The following ERBB4 variants were observed in gnomAD, a reference collection of about 807,000 sequenced individuals.
ERBB4 encodes the protein erb-b2 receptor tyrosine kinase 4, also known as receptor tyrosine-protein kinase erbB-4.
Under a neutral mutation model 158.0 loss-of-function variants are expected in ERBB4, and 42 were observed. That is an observed-to-expected ratio of 0.27 (90% CI 0.21 to 0.34). ERBB4 has a LOEUF of 0.34. ERBB4 is among the 10% of genes least tolerant of loss of function. The pLI, the probability that ERBB4 is intolerant of heterozygous loss-of-function variation, is 1.00. For missense variants in ERBB4, 1,333 were observed against 1,624.1 expected, an observed-to-expected ratio of 0.82 and a Z score of 3.08; for synonymous variants, 583 against 558.7, an observed-to-expected ratio of 1.04 and a Z score of -0.61.
In ERBB4 at chr2:211,734,344, T is replaced by C. The variant is rs186117627; in HGVS notation, c.623-9150A>G. On this transcript the variant is annotated intron_variant, in intron 5 of 27. Transcript: ENST00000342788. ...TTCTAGTTTTGATGAGGGTGAAGAA[T>C]TGGGCAAACTATTAGTGGGTGTATA... Among the ~76,000 whole-genome samples the C allele has an allele frequency of 3.8e-3, 582 of 152,158 alleles. 2 individuals carry two copies. Among genetic ancestry groups the C allele is most frequent in the African/African-American group, 0.013 (560 of 41,522 alleles).
intron 1 of ERBB4, among the ~76,000 whole-genome samples, chr2:212,200,061 A>C (rs536881082): frequency 2.0e-5 from 3 of 152,202 alleles, no homozygotes; most frequent in African/African-American, 2.4e-5. Flanking sequence ...TCCTTGTTTA[A>C]AATTCTGTTA....
chr2:211,760,083 C>A (rs1469182070), intron 4 of ERBB4, among the ~76,000 whole-genome samples: 1 of 152,074 alleles, frequency 6.6e-6, no homozygotes, highest in East Asian at 1.9e-4. Flanking sequence ...TAAGAAAATA[C>A]CACTAATTTC....
intron 20 of ERBB4, among the ~76,000 whole-genome samples, chr2:211,444,574 G>C (rs188471157): frequency 6.6e-6 from 1 of 152,146 alleles, no homozygotes; most frequent in Admixed American, 6.6e-5. Context: ...TATTCCATTA[G>C]ATTATCAGCT....
intron 1 of ERBB4, among the ~76,000 whole-genome samples, chr2:212,228,683 C>T (rs962895199): frequency 6.6e-6 from 1 of 152,118 alleles, no homozygotes; most frequent in Non-Finnish European, 1.5e-5. Flanking sequence ...GTAAACCCCA[C>T]CTTGCTGCTA....
chr2:212,106,474 G>A (rs1205018050), intron 2 of ERBB4, among the ~76,000 whole-genome samples: 1 of 152,242 alleles, frequency 6.6e-6, no homozygotes, highest in African/African-American at 2.4e-5. Context: ...GACAGGTGCT[G>A]TTAAAAGCAT....
chr2:212,258,625 A>G lies in ERBB4; in HGVS notation c.83-133722T>C, dbSNP rs368753829. 2.3e-4 allele frequency among the ~76,000 whole-genome samples: 34 copies of G among 148,028 alleles called. No individual in the cohort carries two copies. In the East Asian group the frequency reaches 6.2e-3, roughly 27 times the overall value. On this transcript the variant is annotated intron_variant, in intron 1 of 27. Transcript: ENST00000342788. Reference sequence around the variant, plus strand: ...TAAAAATATATAAGATATATATAATATATATAATAATATATAATATGTTTT... The same window carrying G: ...TAAAAATATATAAGATATATATAATGTATATAATAATATATAATATGTTTT...
At chr2:211,665,515 G>A (rs1376802194) in intron 14 of ERBB4, 38 bp from the exon 15 acceptor site, 1 of 1,601,184 alleles carries the variant, frequency 6.2e-7, no homozygotes, top group Non-Finnish European at 8.5e-7. Context: ...AAAAAGAAAA[G>A]TGGTGTCATT....
intron 4 of ERBB4, among the ~76,000 whole-genome samples, chr2:211,775,178 AC>A (rs2075841739): frequency 1.3e-5 from 2 of 152,310 alleles, no homozygotes; most frequent in African/African-American, 4.8e-5. Flanking sequence ...ATGAGCTATC[AC>A]CAGGCTCAGT....
At chr2:211,776,313 C>T (rs2075874157) in intron 4 of ERBB4, among the ~76,000 whole-genome samples, 1 of 152,158 alleles carries the variant, frequency 6.6e-6, no homozygotes, top group Admixed American at 6.6e-5. Flanking sequence ...TGGTGGCTGG[C>T]ATGAAGTTAA....
At chr2:211,689,984 A>G (rs1461642049) in intron 12 of ERBB4, among the ~76,000 whole-genome samples, 1 of 150,028 alleles carries the variant, frequency 6.7e-6, no homozygotes, top group South Asian at 2.1e-4. Context: ...CAGGCCTTCA[A>G]TTACAGATAA....
chr2:211,858,140 AAGAG>A (rs1425664723), intron 3 of ERBB4, among the ~76,000 whole-genome samples: 1 of 152,174 alleles, frequency 6.6e-6, no homozygotes, highest in Non-Finnish European at 1.5e-5. Flanking sequence ...GGTGAGAAGA[AAGAG>A]AGTGTGGAAG....
At chr2:212,205,365 G>A (rs2082715694) in intron 1 of ERBB4, among the ~76,000 whole-genome samples, 1 of 152,006 alleles carries the variant, frequency 6.6e-6, no homozygotes, top group African/African-American at 2.4e-5. Context: ...TCACCATGTT[G>A]GCCCCACCAA....
Position 212,161,188 on chromosome 2 carries a change from A to G in ERBB4, c.83-36285T>C, listed in dbSNP as rs367900554. 3.3e-5 allele frequency among the ~76,000 whole-genome samples: 5 copies of G among 151,968 alleles called. No individual in the cohort carries two copies. The East Asian group carries it at 5.8e-4, about 18-fold the overall frequency. On this transcript the variant is annotated intron_variant, in intron 1 of 27. Coordinates refer to ENST00000342788, the MANE Select transcript of ERBB4 (RefSeq NM_005235.3). ...AATCTTCATCAGCCACACAATTGAG[A>G]TCAGATCAAAATATATCTGTACAGT...
rs112569369 is a variant in ERBB4, at chr2:211,428,015, T to C, written c.2719+393A>G. 5.5e-3 allele frequency among the ~76,000 whole-genome samples: 821 copies of C among 150,210 alleles called. 7 individuals are homozygous for C. Among genetic ancestry groups the C allele is most frequent in the African/African-American group, 0.019 (778 of 40,870 alleles). On this transcript the variant is annotated intron_variant, in intron 22 of 27. Transcript: ENST00000342788. ...TTTGTTGCTCTTCAATGGGAACACA[T>C]GGACACAGGGAGGAGAACATCACAC... is the stretch of plus-strand genomic sequence containing the variant.
chr2:211,966,227 A>G (rs1164788998), intron 2 of ERBB4, among the ~76,000 whole-genome samples: 1 of 152,092 alleles, frequency 6.6e-6, no homozygotes, highest in African/African-American at 2.4e-5. Context: ...AAAAGAAAAA[A>G]GAATTTCAAT....
At chr2:212,425,598 A>G (rs1187998147) in intron 1 of ERBB4, among the ~76,000 whole-genome samples, 1 of 151,774 alleles carries the variant, frequency 6.6e-6, no homozygotes, top group East Asian at 1.9e-4. Context: ...GTTATAGTAT[A>G]AACATAATAT....
intron 16 of ERBB4, among the ~76,000 whole-genome samples, chr2:211,643,831 C>T (rs73988629): frequency 0.011 from 1,640 of 152,106 alleles, 37 homozygotes; most frequent in African/African-American, 0.038. Flanking sequence ...CTCAAGGATG[C>T]TGTCTCTGAA....
At chr2:212,134,833 G>A (rs756321675) in intron 1 of ERBB4, among the ~76,000 whole-genome samples, 1 of 151,858 alleles carries the variant, frequency 6.6e-6, no homozygotes, top group African/African-American at 2.4e-5. Flanking sequence ...ACAGGCGCCC[G>A]CCACCATGCC....
intron 16 of ERBB4, among the ~76,000 whole-genome samples, chr2:211,638,357 G>C (rs1459569374): frequency 6.6e-6 from 1 of 152,062 alleles, no homozygotes; most frequent in Non-Finnish European, 1.5e-5. Context: ...GTTACTGCCT[G>C]GGGCAAGGAG....
Sources: allele counts gnomAD v4.1 joint callset (sites outside exome capture counted in the v4.1 genomes callset), GRCh38; gene constraint gnomAD v4.1.1; transcripts MANE v1.5; gene names NCBI Gene and HGNC (gene_info 2026-07-23, HGNC 2026-07-21).